Variants in CPEB1 observed in about 807,000 individuals in gnomAD.
CPEB1 encodes the protein cytoplasmic polyadenylation element-binding protein 1.
Under a neutral mutation model 65.8 loss-of-function variants are expected in CPEB1, and 7 were observed. That is an observed-to-expected ratio of 0.11 (90% CI 0.06 to 0.20). The LOEUF is 0.20. Among genes scored for constraint, CPEB1 ranks in the 10% least tolerant of loss-of-function variants. The pLI is 1.00. For synonymous variants in CPEB1, 262 were observed against 260.0 expected, an observed-to-expected ratio of 1.01 and a Z score of -0.08; for missense variants, 551 against 712.2, an observed-to-expected ratio of 0.77 and a Z score of 2.58.
rs2151323412 is a variant in CPEB1 at position 82,628,523 on chromosome 15, C to T, written c.-64G>A. 2 of 692,460 alleles carry T rather than the reference C, an allele frequency of 2.9e-6. No individual in the cohort carries two copies. The highest frequency in any genetic ancestry group is 2.7e-5 in the East Asian group (1 of 37,228). 42.9% of individuals were successfully genotyped at this position (692,460 alleles called of 1,614,324 possible). A position where few individuals can be genotyped will look rare whatever the true frequency, so the allele number is the denominator to read the frequency against. On this transcript the variant is annotated 5_prime_UTR_variant, in exon 2 of 13. Transcript: ENST00000684509. Reference sequence around the variant, plus strand: ...TCAAGGCTGCTTTTGACTTCTTTTACAATACAGACCCTTCTATTACACAGG... The same window carrying T: ...TCAAGGCTGCTTTTGACTTCTTTTATAATACAGACCCTTCTATTACACAGG...
chr15:82,646,686 G>C (rs1258421265), intron 1 of CPEB1, among the ~76,000 whole-genome samples: 2 of 152,354 alleles, frequency 1.3e-5, no homozygotes, highest in East Asian at 3.9e-4. Context: ...ACGCGGGGCC[G>C]CTCACAGAGC....
At chr15:82,583,530 G>C (rs1314462420) in intron 3 of CPEB1, 1 of 152,098 alleles carries the variant, frequency 6.6e-6, no homozygotes, top group Non-Finnish European at 1.5e-5. Context: ...GGGTAAATTG[G>C]TACAACATTC....
intron 3 of CPEB1, among the ~76,000 whole-genome samples, chr15:82,625,914 T>C (rs1483975635): frequency 1.4e-5 from 2 of 142,132 alleles, no homozygotes; most frequent in Non-Finnish European, 3.0e-5. Flanking sequence ...ACGTCAGGAG[T>C]TTGAGACCAG....
intron 3 of CPEB1, among the ~76,000 whole-genome samples, chr15:82,615,978 A>G (rs1297045050): frequency 6.6e-6 from 1 of 152,144 alleles, no homozygotes; most frequent in African/African-American, 2.4e-5. Context: ...ACCAAGAGGA[A>G]TATTGTATAT....
chr15:82,584,373 C>CA (rs1365679084), intron 3 of CPEB1, among the ~76,000 whole-genome samples: 5 of 150,614 alleles, frequency 3.3e-5, no homozygotes, highest in Non-Finnish European at 7.4e-5. Flanking sequence ...TCCATGTACC[C>CA]AGGTTAAGAA....
chr15:82,629,624 A>G (rs1005021933), intron 1 of CPEB1: 18 of 985,270 alleles, frequency 1.8e-5, no homozygotes, highest in Non-Finnish European at 2.2e-5. Context: ...GAAGCAATGA[A>G]ATATTGGTTG....
intron 1 of CPEB1, among the ~76,000 whole-genome samples, chr15:82,632,926 A>G (rs2046380282): frequency 6.6e-6 from 1 of 152,162 alleles, no homozygotes; most frequent in Non-Finnish European, 1.5e-5. Flanking sequence ...AGACCCATTT[A>G]CTTTGTGTAG....
chr15:82,580,147 C>G (rs529694297), intron 3 of CPEB1, among the ~76,000 whole-genome samples: 10 of 151,030 alleles, frequency 6.6e-5, no homozygotes, highest in Admixed American at 6.6e-4. Context: ...TGGTGAAACC[C>G]CTTCTCTACT....
intron 4 of CPEB1, among the ~76,000 whole-genome samples, chr15:82,568,142 G>A (rs545125424): frequency 2.9e-4 from 44 of 152,306 alleles, no homozygotes; most frequent in Non-Finnish European, 5.4e-4. Context: ...TTAGAATTCT[G>A]AGCCTTCCAG....
intron 3 of CPEB1, among the ~76,000 whole-genome samples, chr15:82,599,516 C>T (rs2151185120): frequency 6.6e-6 from 1 of 152,178 alleles, no homozygotes; most frequent in East Asian, 1.9e-4. Flanking sequence ...AGTCCAAATT[C>T]TTTAAAACAA....
At chr15:82,577,172 GTGTTT>G (rs768338501) in intron 3 of CPEB1, among the ~76,000 whole-genome samples, 2 of 152,180 alleles carry the variant, frequency 1.3e-5, no homozygotes, top group Non-Finnish European at 2.9e-5. Flanking sequence ...TGGCAAAGGT[GTGTTT>G]TGTTTTGTTT....
Position 82,601,436 on chromosome 15 carries a change from G to A in CPEB1, c.271+25757C>T, listed in dbSNP as rs576836963. Among the ~76,000 whole-genome samples the A allele has an allele frequency of 2.6e-5, 4 of 152,016 alleles. No individual in the cohort carries two copies. The South Asian group carries it at 6.3e-4, about 24-fold the overall frequency. ...GGCGCCTGTAATCCCAGCTACTCAG[G>A]AGTCTGAGACAGGACAATCGCTTGA... On this transcript the variant is annotated intron_variant, in intron 3 of 12. Coordinates refer to ENST00000684509, the MANE Select transcript of CPEB1 (RefSeq NM_001365242.1).
chr15:82,623,741 TTCC>T (rs2045517320), intron 3 of CPEB1, among the ~76,000 whole-genome samples: 1 of 152,216 alleles, frequency 6.6e-6, no homozygotes, highest in Admixed American at 6.5e-5. Flanking sequence ...ATTTATATCA[TTCC>T]AGTGTTTTTC....
chr15:82,552,708 G>T, intron 8 of CPEB1, 92 bp from the exon 9 acceptor site: 1 of 1,381,710 alleles, frequency 7.2e-7, no homozygotes. Context: ...TTCCAAGAAA[G>T]AAGGTCTTGT....
At position 82,543,730 on chromosome 15, in the gene CPEB1, G is replaced by A. The variant is rs1318838169; in HGVS notation, c.*862C>T. On this transcript the variant is annotated 3_prime_UTR_variant, in exon 13 of 13. Coordinates refer to ENST00000684509, the MANE Select transcript of CPEB1 (RefSeq NM_001365242.1). ...ATCAACCCCACCCCCCCACATAAGT[G>A]CAACTTAAGGAGGTGCAATAAACCA... 6 of 151,742 alleles carry A rather than the reference G, an allele frequency of 4.0e-5. No homozygotes were observed. Among genetic ancestry groups the A allele is most frequent in the Non-Finnish European group, 7.4e-5 (5 of 68,006 alleles). The allele number at this position is 151,742 out of a possible 1,614,324, so 9.4% of individuals were successfully genotyped here.
At chr15:82,637,696 C>G (rs12916980) in intron 1 of CPEB1, among the ~76,000 whole-genome samples, 70,969 of 151,914 alleles carry the variant, frequency 0.47, 16,910 homozygotes, top group African/African-American at 0.57. Context: ...CCTTTTAAGA[C>G]GTCTTCATTC....
intron 3 of CPEB1, among the ~76,000 whole-genome samples, chr15:82,596,148 T>A (rs1406713949): frequency 6.6e-6 from 1 of 152,154 alleles, no homozygotes; most frequent in African/African-American, 2.4e-5. Context: ...AATCACAGAA[T>A]CACAATGCTA....
intron 3 of CPEB1, among the ~76,000 whole-genome samples, chr15:82,623,257 A>G (rs2045474375): frequency 6.6e-6 from 1 of 152,222 alleles, no homozygotes; most frequent in South Asian, 2.1e-4. Context: ...CACTTTTCCA[A>G]TGATGCTTTA....
chr15:82,613,329 A>T (rs1309590540), intron 3 of CPEB1, among the ~76,000 whole-genome samples: 1 of 152,180 alleles, frequency 6.6e-6, no homozygotes, highest in Non-Finnish European at 1.5e-5. Context: ...GATGCAGAAA[A>T]GCTGATATAA....
Sources: allele counts gnomAD v4.1 joint callset (sites outside exome capture counted in the v4.1 genomes callset), GRCh38; gene constraint gnomAD v4.1.1; transcripts MANE v1.5; gene names NCBI Gene and HGNC (gene_info 2026-07-23, HGNC 2026-07-21).